Variants in MBNL3 observed in about 807,000 individuals in gnomAD.
The protein encoded by MBNL3 is muscleblind like splicing regulator 3, also known as muscleblind-like protein 3.
MBNL3 carries 6 observed loss-of-function variants against 24.5 expected under a neutral mutation model. The observed-to-expected ratio is 0.25, with a 90% CI of 0.13 to 0.48. The LOEUF (loss-of-function observed/expected upper bound fraction) is 0.48. Among genes scored for constraint, MBNL3 ranks in the 20% least tolerant of loss-of-function variants. MBNL3 has a pLI of 0.99. For missense variants in MBNL3, 230 were observed against 293.5 expected (o/e 0.78, Z 1.58); for synonymous variants, 100 against 101.7 (o/e 0.98, Z 0.10).
chrX:132,475,856 G>T (rs1428143415), intron 1 of MBNL3, among the ~76,000 whole-genome samples: 1 of 111,532 alleles, frequency 9.0e-6, no homozygotes, highest in Non-Finnish European at 1.9e-5. Flanking sequence ...AAATGTCAAG[G>T]GAAGTCTCAG....
At chrX:132,396,441 C>CCT (rs1156348606) in intron 3 of MBNL3, among the ~76,000 whole-genome samples, 5 of 71,750 alleles carry the variant, frequency 7.0e-5, no homozygotes, top group Admixed American at 1.8e-4. Flanking sequence ...TATATATATT[C>CCT]ATATATATTC....
At chrX:132,462,950 G>C (rs1435446639) in intron 1 of MBNL3, among the ~76,000 whole-genome samples, 1 of 111,282 alleles carries the variant, frequency 9.0e-6, no homozygotes, top group Non-Finnish European at 1.9e-5. Flanking sequence ...AAAGAGCCAC[G>C]GGAAGTTGTC....
At chrX:132,399,476 C>T (rs1360131984) in intron 3 of MBNL3, among the ~76,000 whole-genome samples, 1 of 110,541 alleles carries the variant, frequency 9.0e-6, no homozygotes, top group African/African-American at 3.3e-5. Flanking sequence ...AAATATGTAA[C>T]TTTATTACAA....
chrX:132,464,761 C>T (rs546139947), intron 1 of MBNL3, among the ~76,000 whole-genome samples: 1 of 111,789 alleles, frequency 8.9e-6, no homozygotes. Flanking sequence ...AACCATCTGG[C>T]CGGTGCGGTG....
chrX:132,417,835 C>G (rs1943436963), intron 2 of MBNL3, among the ~76,000 whole-genome samples: 1 of 111,670 alleles, frequency 9.0e-6, no homozygotes, highest in African/African-American at 3.2e-5. Context: ...ATTCCATTCT[C>G]AAAGATTTTG....
At chrX:132,417,575 T>A (rs1943415012) in intron 2 of MBNL3, among the ~76,000 whole-genome samples, 1 of 112,117 alleles carries the variant, frequency 8.9e-6, no homozygotes, top group African/African-American at 3.2e-5. Context: ...GATGTAGTGT[T>A]CATTAAAAAT....
chrX:132,457,495 AG>A (rs748425103), intron 1 of MBNL3, among the ~76,000 whole-genome samples: 12 of 111,078 alleles, frequency 1.1e-4, no homozygotes, highest in Non-Finnish European at 2.3e-4. Flanking sequence ...TAATTTAAAG[AG>A]GGCATTTACA....
chrX:132,463,818 CTGTG>C (rs909858399), intron 1 of MBNL3, among the ~76,000 whole-genome samples: 1 of 112,161 alleles, frequency 8.9e-6, no homozygotes, highest in Non-Finnish European at 1.9e-5. Context: ...ATTCCTATCA[CTGTG>C]TAAGATTTAG....
chrX:132,388,564 A>C (rs35168074), intron 5 of MBNL3, among the ~76,000 whole-genome samples: 1 of 111,921 alleles, frequency 8.9e-6, no homozygotes, highest in Non-Finnish European at 1.9e-5. Context: ...ACCTAGATGA[A>C]CATTCAACAG....
chrX:132,383,733 G>C (rs1452304238), intron 7 of MBNL3, among the ~76,000 whole-genome samples: 2 of 111,811 alleles, frequency 1.8e-5, no homozygotes, highest in East Asian at 5.6e-4. Context: ...TTGTCATTTT[G>C]AACTTTATTC....
intron 1 of MBNL3, among the ~76,000 whole-genome samples, chrX:132,470,183 T>C (rs780057962): frequency 6.3e-5 from 7 of 111,627 alleles, no homozygotes; most frequent in Non-Finnish European, 1.1e-4. Flanking sequence ...ACAACATGAT[T>C]AGGCTAAAGA....
chrX:132,425,486 ATTTC>A (rs1944229380), intron 2 of MBNL3, among the ~76,000 whole-genome samples: 1 of 111,814 alleles, frequency 8.9e-6, no homozygotes, highest in Admixed American at 9.5e-5. Flanking sequence ...CTATTATTAT[ATTTC>A]TTTGTCTTTC....
chrX:132,437,955 A>C (rs1208600213), intron 2 of MBNL3: 1 of 555,468 alleles, frequency 1.8e-6, no homozygotes, highest in African/African-American at 2.5e-5. Flanking sequence ...TGCAAAAAAA[A>C]ACAAAAAACA....
chrX:132,412,985 G>GA (rs1942938767), intron 2 of MBNL3, among the ~76,000 whole-genome samples: 1 of 111,821 alleles, frequency 8.9e-6, no homozygotes. Context: ...ATCAAGAATG[G>GA]AAAAAAAGGG....
rs1246715843 is a variant in MBNL3 at position 132,473,996 on chromosome X, G to A, written c.-704+14855C>T. On this transcript the variant is annotated intron_variant, in intron 1 of 8. Transcript: ENST00000370853. The stretch of plus-strand genomic sequence containing the variant: ...TTCAAAGCTTAAGGTAGAGAAGGTA[G>A]AGATATTTTCTATCAATAATCATAA... Among the ~76,000 whole-genome samples, 20 of 111,691 alleles carry A rather than the reference G, an allele frequency of 1.8e-4. No homozygotes were observed. The Admixed American group carries it at 1.9e-3, about 11-fold the overall frequency.
At chrX:132,457,594 T>C (rs1033179969) in intron 1 of MBNL3, among the ~76,000 whole-genome samples, 2 of 111,455 alleles carry the variant, frequency 1.8e-5, no homozygotes, top group African/African-American at 6.5e-5. Flanking sequence ...ATCATCTATG[T>C]CACTAGGTAC....
At chrX:132,399,020 T>A (rs1210200336) in intron 3 of MBNL3, among the ~76,000 whole-genome samples, 1 of 111,732 alleles carries the variant, frequency 8.9e-6, no homozygotes, top group African/African-American at 3.2e-5. Context: ...CTTGATCATC[T>A]TTTTATCCAC....
intron 5 of MBNL3, among the ~76,000 whole-genome samples, chrX:132,388,741 CT>C (rs1208387390): frequency 3.9e-4 from 41 of 104,925 alleles, no homozygotes; most frequent in East Asian, 8.9e-4. Flanking sequence ...ATGTCTCTCT[CT>C]TTTTTTTTTT....
intron 2 of MBNL3, among the ~76,000 whole-genome samples, chrX:132,421,633 C>G (rs1457805361): frequency 9.0e-6 from 1 of 111,681 alleles, no homozygotes; most frequent in Non-Finnish European, 1.9e-5. Flanking sequence ...ACTAGTTTAC[C>G]TAGTCAAGAG....
Sources: allele counts gnomAD v4.1 joint callset (sites outside exome capture counted in the v4.1 genomes callset), GRCh38; gene constraint gnomAD v4.1.1; transcripts MANE v1.5; gene names NCBI Gene and HGNC (gene_info 2026-07-23, HGNC 2026-07-21).